DOCK3: variants seen among roughly 807,000 people sequenced by gnomAD.
The protein encoded by DOCK3 is dedicator of cytokinesis protein 3.
In DOCK3, 60 loss-of-function variants were observed where a neutral mutation model predicts 265.6. The observed-to-expected ratio is 0.23, with a 90% CI of 0.18 to 0.28. The LOEUF (loss-of-function observed/expected upper bound fraction) is 0.28, where lower values mean the gene tolerates loss of function less well. Ranked by LOEUF, DOCK3 falls within the 10% of genes least tolerant of loss-of-function variation. The pLI, the probability that DOCK3 is intolerant of heterozygous loss-of-function variation, is 1.00. For synonymous variants in DOCK3, 881 were observed against 938.0 expected (o/e 0.94, Z 1.11); for missense variants, 1,981 against 2,594.3 (o/e 0.76, Z 5.14).
At chr3:51,065,775 C>T (rs1187283057) in intron 6 of DOCK3, among the ~76,000 whole-genome samples, 2 of 152,170 alleles carry the variant, frequency 1.3e-5, no homozygotes, top group East Asian at 3.9e-4. Flanking sequence ...ACTTGCCAGT[C>T]ACCTACCCAT....
intron 19 of DOCK3, among the ~76,000 whole-genome samples, chr3:51,230,554 G>A (rs543774604): frequency 6.6e-6 from 1 of 152,046 alleles, no homozygotes; most frequent in African/African-American, 2.4e-5. Flanking sequence ...GTCTCACTCT[G>A]TCGCCAGGCT....
intron 4 of DOCK3, among the ~76,000 whole-genome samples, chr3:50,914,815 T>C (rs2050035364): frequency 6.6e-6 from 1 of 152,154 alleles, no homozygotes; most frequent in Admixed American, 6.5e-5. Context: ...CAATTCATTC[T>C]TTAATTTTTG....
chr3:51,149,517 A>C (rs1230316752), intron 10 of DOCK3, among the ~76,000 whole-genome samples: 2 of 152,178 alleles, frequency 1.3e-5, no homozygotes, highest in African/African-American at 4.8e-5. Flanking sequence ...ACGTTCCATC[A>C]ATACCTAGTT....
chr3:51,077,886 C>G (rs779244624), intron 7 of DOCK3, among the ~76,000 whole-genome samples: 11 of 152,146 alleles, frequency 7.2e-5, no homozygotes, highest in Non-Finnish European at 1.6e-4. Flanking sequence ...ATAACCACCT[C>G]CTTGCCCAGA....
At chr3:50,919,239 G>T (rs1575529995) in intron 4 of DOCK3, among the ~76,000 whole-genome samples, 1 of 152,160 alleles carries the variant, frequency 6.6e-6, no homozygotes, top group African/African-American at 2.4e-5. Context: ...TCTGGGCAAT[G>T]CGGACTCTTT....
chr3:51,155,752 G>A (rs1328923814), intron 10 of DOCK3, among the ~76,000 whole-genome samples: 1 of 152,084 alleles, frequency 6.6e-6, no homozygotes, highest in Non-Finnish European at 1.5e-5. Context: ...TTATACTTAC[G>A]TGGACGGCCA....
At chr3:51,163,247 G>A (rs1290347979) in intron 12 of DOCK3, among the ~76,000 whole-genome samples, 3 of 152,162 alleles carry the variant, frequency 2.0e-5, no homozygotes, top group Non-Finnish European at 4.4e-5. Flanking sequence ...TATCCGATTA[G>A]TTGTTCACAT....
At chr3:50,693,152 A>G (rs1417501851) in intron 1 of DOCK3, among the ~76,000 whole-genome samples, 1 of 152,216 alleles carries the variant, frequency 6.6e-6, no homozygotes, top group East Asian at 1.9e-4. Flanking sequence ...TTTAAAAGTC[A>G]GAAGTGTGAG....
intron 1 of DOCK3, among the ~76,000 whole-genome samples, chr3:50,762,674 C>T (rs2040605952): frequency 6.6e-6 from 1 of 151,630 alleles, no homozygotes; most frequent in Admixed American, 6.6e-5. Context: ...GTGATGTTAC[C>T]TGTGGGTTGA....
At chr3:50,939,063 G>A (rs927090980) in intron 5 of DOCK3, among the ~76,000 whole-genome samples, 1 of 151,346 alleles carries the variant, frequency 6.6e-6, no homozygotes, top group African/African-American at 2.4e-5. Context: ...GAAAATGAGG[G>A]AAAATACTAA....
At chr3:50,786,323 A>G (rs1274084694) in intron 2 of DOCK3, among the ~76,000 whole-genome samples, 1 of 152,210 alleles carries the variant, frequency 6.6e-6, no homozygotes, top group Non-Finnish European at 1.5e-5. Flanking sequence ...TCACCAGAAA[A>G]TGCAAGCATA....
intron 5 of DOCK3, among the ~76,000 whole-genome samples, chr3:51,058,155 C>A (rs1056614883): frequency 6.6e-6 from 1 of 152,134 alleles, no homozygotes; most frequent in Non-Finnish European, 1.5e-5. Flanking sequence ...CTTATGGCCT[C>A]AGCTCCCAAG....
intron 9 of DOCK3, among the ~76,000 whole-genome samples, chr3:51,108,552 G>A (rs570510887): frequency 6.6e-6 from 1 of 152,212 alleles, no homozygotes; most frequent in Admixed American, 6.5e-5. Context: ...AACCTTGGAT[G>A]TAAATGGGCA....
intron 23 of DOCK3, among the ~76,000 whole-genome samples, chr3:51,263,039 G>A (rs1429423996): frequency 6.6e-6 from 1 of 152,258 alleles, no homozygotes; most frequent in East Asian, 1.9e-4. Context: ...AGCAAGACAG[G>A]CCAACATTCA....
intron 1 of DOCK3, among the ~76,000 whole-genome samples, chr3:50,744,420 G>A (rs2039288797): frequency 6.8e-6 from 1 of 147,198 alleles, no homozygotes; most frequent in Non-Finnish European, 1.5e-5. Flanking sequence ...GTAGCTCTTT[G>A]ATCCATCTTC....
rs115721611 is a variant in DOCK3 at position 51,131,471 on chromosome 3, G to A, written c.747-15078G>A. On this transcript the variant is annotated intron_variant, in intron 9 of 52. Transcript: ENST00000266037. ...AATGTAGTAGGGTCCTTCTTTGGGG[G>A]TACCTGGCCTCCCTCCATTCAAGGG... 2.9e-3 allele frequency among the ~76,000 whole-genome samples: 448 copies of A among 152,234 alleles called. 1 individual carries two copies. Among genetic ancestry groups the A allele is most frequent in the African/African-American group, 0.01 (427 of 41,518 alleles).
At chr3:50,977,348 A>G (rs1033754579) in intron 5 of DOCK3, among the ~76,000 whole-genome samples, 3 of 152,084 alleles carry the variant, frequency 2.0e-5, no homozygotes, top group African/African-American at 7.2e-5. Context: ...GGTGGTGACA[A>G]AATCTCTCAG....
chr3:50,888,482 ACTTT>A (rs2048460219), intron 3 of DOCK3, among the ~76,000 whole-genome samples: 1 of 152,186 alleles, frequency 6.6e-6, no homozygotes, highest in Non-Finnish European at 1.5e-5. Context: ...GCTACCAATG[ACTTT>A]CTTCACAGAA....
chr3:51,282,438 C>T (rs1041788556), intron 27 of DOCK3, among the ~76,000 whole-genome samples: 7 of 151,968 alleles, frequency 4.6e-5, no homozygotes, highest in African/African-American at 9.7e-5. Context: ...CACCTGAGGT[C>T]GGGAGTTTGA....
Sources: allele counts gnomAD v4.1 joint callset (sites outside exome capture counted in the v4.1 genomes callset), GRCh38; gene constraint gnomAD v4.1.1; transcripts MANE v1.5; gene names NCBI Gene and HGNC (gene_info 2026-07-23, HGNC 2026-07-21).